KLHDC4: variants seen among roughly 807,000 people sequenced by gnomAD.
The protein encoded by KLHDC4 is kelch domain-containing protein 4.
A neutral mutation model predicts 62.4 loss-of-function variants in KLHDC4; 90 were observed. The observed-to-expected ratio is 1.44, with a 90% CI of 1.22 to 1.72. The LOEUF (loss-of-function observed/expected upper bound fraction) is 1.72. Ranked by LOEUF, KLHDC4 falls within the 40% of genes most tolerant of loss-of-function variation. KLHDC4 has a pLI of 0.00. For missense variants in KLHDC4, 1,025 were observed against 699.7 expected (o/e 1.47, Z -5.25); for synonymous variants, 386 against 284.4 (o/e 1.36, Z -3.59).
At chr16:87,754,911 G>C (rs1167492675) in intron 4 of KLHDC4, among the ~76,000 whole-genome samples, 1 of 152,182 alleles carries the variant, frequency 6.6e-6, no homozygotes, top group Non-Finnish European at 1.5e-5. Context: ...CCTAGGGGGA[G>C]TGAGCATTCT....
chr16:87,732,284 T>TG (rs1316328625), intron 5 of KLHDC4, among the ~76,000 whole-genome samples: 1 of 151,922 alleles, frequency 6.6e-6, no homozygotes, highest in Non-Finnish European at 1.5e-5. Context: ...TTAGTAGAGA[T>TG]GGGGTTTCAT....
At chr16:87,747,144 C>G (rs1393876329) in intron 5 of KLHDC4, among the ~76,000 whole-genome samples, 1 of 152,238 alleles carries the variant, frequency 6.6e-6, no homozygotes, top group East Asian at 1.9e-4. Flanking sequence ...AGAGAGCCCT[C>G]ATGTCACAGA....
chr16:87,714,432 T>G (rs2142966300), intron 8 of KLHDC4, 66 bp downstream of exon 8: 3 of 1,364,706 alleles, frequency 2.2e-6, no homozygotes, highest in Non-Finnish European at 1.9e-6. Context: ...CATGGGAGGG[T>G]GTGGGCTCTG....
intron 2 of KLHDC4, among the ~76,000 whole-genome samples, chr16:87,760,863 T>C (rs1003438018): frequency 2.6e-5 from 4 of 151,550 alleles, no homozygotes; most frequent in African/African-American, 9.7e-5. Context: ...CAAAACCCCA[T>C]CTCTACTAAA....
At chr16:87,705,087 C>T (rs949091774), downstream of KLHDC4, among the ~76,000 whole-genome samples, 2 of 150,852 alleles carry the variant, frequency 1.3e-5, no homozygotes, top group Admixed American at 1.3e-4. Context: ...GTGGGAGGGC[C>T]GCAGCCGAGG....
At chr16:87,757,710 T>G (rs915275302) in intron 2 of KLHDC4, among the ~76,000 whole-genome samples, 2 of 151,474 alleles carry the variant, frequency 1.3e-5, no homozygotes, top group African/African-American at 4.9e-5. Context: ...GCAAACACGG[T>G]GAAACCCCCC....
intron 1 of KLHDC4, among the ~76,000 whole-genome samples, chr16:87,762,711 T>G (rs1195397526): frequency 1.3e-5 from 2 of 152,084 alleles, no homozygotes; most frequent in Non-Finnish European, 2.9e-5. Flanking sequence ...CGAGAGTGAC[T>G]CAAGGTACTG....
intron 5 of KLHDC4, chr16:87,731,043 ATTCTTTT>A (rs1567729871): frequency 1.6e-5 from 2 of 128,526 alleles, no homozygotes; most frequent in Admixed American, 9.0e-5. Flanking sequence ...TACATACAGA[ATTCTTTT>A]TTTTTTTTTT....
At chr16:87,702,257 G>C in exon 1 of KLHDC4, 2 of 456,326 alleles carry the variant, frequency 4.4e-6, no homozygotes, top group Non-Finnish European at 8.8e-6. Flanking sequence ...GCCAGGCGCC[G>C]AGTCCATAAA....
intron 8 of KLHDC4, among the ~76,000 whole-genome samples, chr16:87,711,737 A>C (rs1418635918): frequency 6.6e-6 from 1 of 151,508 alleles, no homozygotes; most frequent in African/African-American, 2.5e-5. Flanking sequence ...GGGCAGAAGC[A>C]GCACACACGC....
At chr16:87,736,111 G>A (rs565671612) in intron 5 of KLHDC4, among the ~76,000 whole-genome samples, 1 of 152,186 alleles carries the variant, frequency 6.6e-6, no homozygotes, top group Non-Finnish European at 1.5e-5. Context: ...AGGCGACCTT[G>A]TCATTGTGCT....
At chr16:87,720,171 A>T (rs73241990) in intron 7 of KLHDC4, among the ~76,000 whole-genome samples, 8,758 of 152,308 alleles carry the variant, frequency 0.058, 329 homozygotes, top group South Asian at 0.16. Flanking sequence ...AGCTCAGGCC[A>T]GGTCACAGAA....
At chr16:87,749,722 G>A (rs936829578) in intron 4 of KLHDC4, among the ~76,000 whole-genome samples, 2 of 152,052 alleles carry the variant, frequency 1.3e-5, no homozygotes, top group Admixed American at 6.5e-5. Context: ...TAGCTTGGAC[G>A]ACAGGCATGT....
rs202145296 is a variant in KLHDC4 at position 87,711,287 on chromosome 16, T to C, written c.992A>G (p.Asp331Gly). 3 of 1,614,088 alleles carry C rather than the reference T, an allele frequency of 1.9e-6. No homozygotes were observed. The Admixed American group carries it at 5.0e-5, about 27-fold the overall frequency. ...EESLSGEFFNDLYFYDATRNR... is the reference protein window; with the variant it reads ...EESLSGEFFNGLYFYDATRNR... ...CCTGGTGGCGTCGTAGAAGTACAGATCGTTGAAGAACTCGCCCGACAGGCT... is the reference window on the plus strand; with the variant it reads ...CCTGGTGGCGTCGTAGAAGTACAGACCGTTGAAGAACTCGCCCGACAGGCT... Residue 331 changes from aspartate (D) to glycine (G), a missense_variant, in exon 9 of 12, where the codon GAT (aspartate) becomes GGT (glycine). Asp to Gly is a moderately conservative substitution (Grantham distance 94). Coordinates refer to ENST00000270583, the MANE Select transcript of KLHDC4 (RefSeq NM_017566.4).
intron 5 of KLHDC4, among the ~76,000 whole-genome samples, chr16:87,743,199 G>C (rs2042505337): frequency 6.6e-6 from 1 of 152,176 alleles, no homozygotes; most frequent in African/African-American, 2.4e-5. Flanking sequence ...TTGAACTCCT[G>C]AGCTCAAGTG....
exon 1 of KLHDC4, chr16:87,700,649 AGAGGGAGGAGGGCAGAGGGCG>A (rs1567627191): frequency 4.6e-5 from 8 of 173,188 alleles, no homozygotes; most frequent in Admixed American, 1.8e-4. Context: ...GCTGGAGGGC[AGAGGGAGGAGGGCAGAGGGCG>A]GAGGGAGGAG....
chr16:87,755,444 G>A (rs773155033), intron 3 of KLHDC4, 152 bp from the exon 4 acceptor site: 19 of 523,966 alleles, frequency 3.6e-5, no homozygotes, highest in Middle Eastern at 5.8e-4. Context: ...CTGGGTCCCC[G>A]GGGCCATTGG....
At chr16:87,724,782 AACACCC>A (rs1311021772) in intron 7 of KLHDC4, among the ~76,000 whole-genome samples, 2 of 152,100 alleles carry the variant, frequency 1.3e-5, no homozygotes, top group Non-Finnish European at 2.9e-5. Context: ...CTTATTAAAT[AACACCC>A]ACACCCACAC....
At chr16:87,709,730 T>C (rs2035399247) in intron 9 of KLHDC4, 63 bp from the exon 10 acceptor site, 2 of 1,473,266 alleles carry the variant, frequency 1.4e-6, no homozygotes, top group Non-Finnish European at 1.8e-6. Flanking sequence ...ATTCCTGCTA[T>C]GCCCACAAGG....
Sources: gnomAD v4.1 joint callset for allele counts (sites outside exome capture counted in the v4.1 genomes callset) on GRCh38, gnomAD v4.1.1 for gene constraint, MANE v1.5 for transcripts, NCBI Gene and HGNC (gene_info 2026-07-23, HGNC 2026-07-21) for gene names.